The following STRC variants were observed in gnomAD, a reference collection of about 807,000 sequenced individuals.
STRC encodes the protein stereocilin.
In STRC, 43 loss-of-function variants were observed where a neutral mutation model predicts 103.5. That is an observed-to-expected ratio of 0.42 (90% CI 0.33 to 0.54). The LOEUF (loss-of-function observed/expected upper bound fraction) is 0.54. STRC is among the 20% of genes least tolerant of loss of function. STRC has a pLI of 0.14. For missense variants in STRC, 499 were observed against 1,088.5 expected (o/e 0.46, Z 7.62); for synonymous variants, 186 against 442.3 (o/e 0.42, Z 7.27).
intron 23 of STRC, 39 bp downstream of exon 23, chr15:43,603,203 T>C (rs765115885): frequency 1.2e-6 from 2 of 1,608,188 alleles, no homozygotes; most frequent in Non-Finnish European, 1.7e-6. Context: ...CCCAAATAGC[T>C]TCCTCATGGC....
chr15:43,605,226 A>G (rs762645732), intron 19 of STRC, 38 bp downstream of exon 19: 3 of 1,577,112 alleles, frequency 1.9e-6, no homozygotes, highest in African/African-American at 2.7e-5. Flanking sequence ...AGAATTGCCC[A>G]GGGCAGCAAA....
intron 23 of STRC, among the ~76,000 whole-genome samples, chr15:43,602,290 C>T (rs1298493043): frequency 6.6e-6 from 1 of 151,858 alleles, no homozygotes; most frequent in Non-Finnish European, 1.5e-5. Context: ...ATGGGATTCT[C>T]CTACCCCAGC....
At position 43,600,659 on chromosome 15, in the gene STRC, G is replaced by A. The variant is rs761361123; in HGVS notation, c.4868C>T (p.Thr1623Ile). Residue 1623 changes from threonine to isoleucine, a missense_variant, in exon 26 of 29, where the codon ACC (threonine) becomes ATC (isoleucine). Transcript: ENST00000450892. ...EFSQAALFLG[T>I]LHLQCSEEQL... ...TTCCTCAGAGCACTGGAGATGCAGG[G>A]TGCCGAGGAAGAGAGCTGCTTGGCT... 8 of 1,613,594 alleles carry A rather than the reference G, an allele frequency of 5.0e-6. No homozygotes were observed. Among genetic ancestry groups the A allele is most frequent in the Non-Finnish European group, 5.9e-6 (7 of 1,179,886 alleles).
At chr15:43,601,632 C>T in intron 23 of STRC, 81 bp from the exon 24 acceptor site, 1 of 1,442,620 alleles carries the variant, frequency 6.9e-7, no homozygotes, top group Non-Finnish European at 9.7e-7. Context: ...CTTGCCTCTG[C>T]CCTTAGCTGT....
At position 43,608,066 on chromosome 15, in the gene STRC, G is replaced by T. The variant is rs1169986109; in HGVS notation, c.3681+14C>A. On this transcript the variant is annotated intron_variant, in intron 17 of 28. Transcript: ENST00000450892. Reference sequence around the variant, plus strand: ...CCTCCCTGCTCCCACTAAAGTCCAGGCACCCCCTCTCACCAGGCTCCCTCG... The same window carrying T: ...CCTCCCTGCTCCCACTAAAGTCCAGTCACCCCCTCTCACCAGGCTCCCTCG... 27 of 1,610,550 alleles carry T rather than the reference G, an allele frequency of 1.7e-5. 1 individual carries two copies. The highest frequency in any genetic ancestry group is 6.7e-5 in the East Asian group (3 of 44,792).
At chr15:43,602,713 C>T (rs1165296011) in intron 23 of STRC, 4 of 143,842 alleles carry the variant, frequency 2.8e-5, no homozygotes, top group East Asian at 2.0e-4. Flanking sequence ...GGCTTGACTT[C>T]GGCTCACTGC....
At chr15:43,609,397 A>G in intron 15 of STRC, 63 bp from the exon 16 acceptor site, 1 of 1,523,752 alleles carries the variant, frequency 6.6e-7, no homozygotes, top group Non-Finnish European at 9.0e-7. Context: ...TACCCCCTAG[A>G]GTGGAGAGGC....
chr15:43,611,000 T>TTTGTGTGTGTGTG lies in STRC; in HGVS notation c.3307-17_3307-16insCACACACACACAA, dbSNP rs1555447487. 1,833 of 1,536,400 alleles carry TTTGTGTGTGTGTG rather than the reference T, an allele frequency of 1.2e-3. 1 individual carries two copies. The highest frequency in any genetic ancestry group is 1.7e-3 in the Admixed American group (91 of 54,076). ...CATCTTTAACCTGCATGAGAATTGG[T>TTTGTGTGTGTGTG]TGTGTGTGTGTGTGTGTGTGTGTGT... On this transcript the variant is annotated splice_polypyrimidine_tract_variant and intron_variant, in intron 13 of 28. Transcript: ENST00000450892.
At chr15:43,604,268 C>G in intron 21 of STRC, 93 bp downstream of exon 21, 1 of 1,595,634 alleles carries the variant, frequency 6.3e-7, no homozygotes, top group South Asian at 1.1e-5. Context: ...ATCTAGGCTT[C>G]ATATCCTTTG....
chr15:43,604,298 C>T, intron 21 of STRC, 63 bp downstream of exon 21: 1 of 1,589,308 alleles, frequency 6.3e-7, no homozygotes, highest in East Asian at 2.3e-5. Flanking sequence ...GCCACGGGTC[C>T]CCATAACCAG....
intron 14 of STRC, 148 bp downstream of exon 14, chr15:43,610,771 T>A: frequency 8.9e-7 from 1 of 1,127,026 alleles, no homozygotes; most frequent in Non-Finnish European, 1.3e-6. Flanking sequence ...CATGCTGTCC[T>A]GCATCTGGCA....
Position 43,607,992 on chromosome 15 carries a change from T to C in STRC, c.3682-17A>G. On this transcript the variant is annotated splice_polypyrimidine_tract_variant and intron_variant, in intron 17 of 28. Transcript: ENST00000450892. ...ACAGGCCCTCTGTAGGGAAGCAGTG[T>C]GAGGCCAGAGCAGAACATAGGAGCT... 6.2e-7 allele frequency: 1 copy of C among 1,610,918 alleles called. No individual in the cohort carries two copies. Among genetic ancestry groups the C allele is most frequent in the Non-Finnish European group, 8.5e-7 (1 of 1,179,474 alleles).
At chr15:43,604,214 C>T in intron 21 of STRC, 62 bp from the exon 22 acceptor site, 1 of 1,605,640 alleles carries the variant, frequency 6.2e-7, no homozygotes, top group Non-Finnish European at 8.5e-7. Flanking sequence ...GCTGCTATAG[C>T]TCTAAGTCCA....
Position 43,601,016 on chromosome 15 carries a change from TG to T in STRC, c.4702-3del, listed in dbSNP as rs371263304. 191 of 699,130 alleles carry T rather than the reference TG, an allele frequency of 2.7e-4. 1 individual carries two copies. The African/African-American group carries it at 4.0e-3, about 15-fold the overall frequency. 43.3% of individuals were successfully genotyped at this position (699,130 alleles called of 1,614,324 possible). ...GAAACTGGAGACCACAATGCGGAGC[TG>T]GGGTGGGGGGTGGGAGAAGAGGGGA... On this transcript the variant is annotated splice_polypyrimidine_tract_variant and splice_region_variant and intron_variant, in intron 24 of 28. Transcript: ENST00000450892.
At position 43,600,649 on chromosome 15, in the gene STRC, G is replaced by T. The variant is rs12438025; in HGVS notation, c.4878C>A (p.Leu1626=). Reference sequence around the variant, plus strand: ...CCTCCAGTTGTTCCTCAGAGCACTGGAGATGCAGGGTGCCGAGGAAGAGAG... The same window carrying T: ...CCTCCAGTTGTTCCTCAGAGCACTGTAGATGCAGGGTGCCGAGGAAGAGAG... The part of the protein sequence containing the change: ...QAALFLGTLH[L]QCSEEQLEVL... The change falls in exon 26 of 29, where the codon CTC becomes CTA. Residue 1626 remains leucine, a synonymous_variant. Transcript: ENST00000450892. The T allele has an allele frequency of 3.7e-6, 6 of 1,613,272 alleles. No homozygotes were observed. The highest frequency in any genetic ancestry group is 5.1e-6 in the Non-Finnish European group (6 of 1,179,794).
intron 15 of STRC, chr15:43,609,864 C>CAA: frequency 4.7e-6 from 1 of 212,818 alleles, no homozygotes; most frequent in South Asian, 6.0e-5. Context: ...TCTACTAAAA[C>CAA]AAAAAAAAAA....
chr15:43,602,966 A>G (rs2085682991), intron 23 of STRC, among the ~76,000 whole-genome samples: 1 of 151,514 alleles, frequency 6.6e-6, no homozygotes, highest in South Asian at 2.1e-4. Context: ...TTATTTTTTT[A>G]AGAAAGAAAA....
At chr15:43,604,210 A>G in intron 21 of STRC, 58 bp from the exon 22 acceptor site, 2 of 1,606,262 alleles carry the variant, frequency 1.2e-6, no homozygotes, top group South Asian at 1.1e-5. Flanking sequence ...ACCTGCTGCT[A>G]TAGCTCTAAG....
chr15:43,608,910 T>C (rs1294935758), intron 16 of STRC, among the ~76,000 whole-genome samples: 2 of 150,718 alleles, frequency 1.3e-5, no homozygotes, highest in Non-Finnish European at 2.9e-5. Flanking sequence ...GTTAAATATC[T>C]TACATGACCT....
Sources: gnomAD v4.1 joint callset for allele counts (sites outside exome capture counted in the v4.1 genomes callset) on GRCh38, gnomAD v4.1.1 for gene constraint, MANE v1.5 for transcripts, NCBI Gene and HGNC (gene_info 2026-07-23, HGNC 2026-07-21) for gene names.